Variants in SLC38A2 observed in about 807,000 individuals in gnomAD.
The protein encoded by SLC38A2 is solute carrier family 38 member 2, also known as sodium-coupled neutral amino acid symporter 2.
SLC38A2 carries 11 observed loss-of-function variants against 61.5 expected under a neutral mutation model. That is an observed-to-expected ratio of 0.18 (90% CI 0.11 to 0.30). The LOEUF is 0.30. SLC38A2 is among the 10% of genes least tolerant of loss of function. The pLI, the probability that SLC38A2 is intolerant of heterozygous loss-of-function variation, is 1.00. For missense variants in SLC38A2, 522 were observed against 600.4 expected, an observed-to-expected ratio of 0.87 and a Z score of 1.36; for synonymous variants, 217 against 212.5, an observed-to-expected ratio of 1.02 and a Z score of -0.18.
intron 2 of SLC38A2, 146 bp downstream of exon 2, chr12:46,371,029 TACA>T (rs895497977): frequency 3.6e-5 from 30 of 837,160 alleles, no homozygotes; most frequent in African/African-American, 1.0e-4. Flanking sequence ...ATCTTGTCAT[TACA>T]ACAAGATAAT....
rs1472474979 is a variant in SLC38A2, at chr12:46,370,910, T to C, written c.117-53A>G. On this transcript the variant is annotated intron_variant, in intron 2 of 15. Transcript: ENST00000256689. ...GTAAACTGGATTGAAATATCTATCA[T>C]TACACACAAGACTGCTTTAACATAA... 7 of 1,365,998 alleles carry C rather than the reference T, an allele frequency of 5.1e-6. No individual in the cohort carries two copies. The Admixed American group carries it at 1.2e-4, about 24-fold the overall frequency. The allele number at this position is 1,365,998 out of a possible 1,614,324, so 84.6% of individuals were successfully genotyped here. A position where few individuals can be genotyped will look rare whatever the true frequency, so the allele number is the denominator to read the frequency against.
At chr12:46,372,330 GGGCGCGACACCCGCGCGGCGGGCC>G (rs1036163107) in intron 1 of SLC38A2, 155 bp downstream of exon 1, 5 of 205,110 alleles carry the variant, frequency 2.4e-5, no homozygotes, top group African/African-American at 1.2e-4. Flanking sequence ...CCCACGTCGC[GGGCGCGACACCCGCGCGGCGGGCC>G]AGGGTGGAAG....
intron 6 of SLC38A2, 29 bp from the exon 7 acceptor site, chr12:46,366,974 A>G: frequency 6.2e-7 from 1 of 1,612,012 alleles, no homozygotes. Context: ...ATACCATTAC[A>G]AGTGCAAAAC....
At chr12:46,362,928 G>T in intron 13 of SLC38A2, 93 bp downstream of exon 13, 2 of 1,485,088 alleles carry the variant, frequency 1.3e-6, no homozygotes, top group Non-Finnish European at 1.9e-6. Context: ...TTGTTCTACT[G>T]GTGTTTCCCT....
At chr12:46,362,194 A>T in intron 15 of SLC38A2, 90 bp downstream of exon 15, 1 of 1,058,246 alleles carries the variant, frequency 9.4e-7, no homozygotes, top group Admixed American at 3.1e-5. Context: ...GTGAAACCAT[A>T]ACAAATAACA....
intron 1 of SLC38A2, chr12:46,371,765 C>T (rs2070058009): frequency 1.1e-5 from 2 of 174,156 alleles, no homozygotes; most frequent in Admixed American, 6.4e-5. Flanking sequence ...TGCATGCAAC[C>T]TAGGCGCACG....
At chr12:46,372,197 C>T (rs1592209363) in intron 1 of SLC38A2, 1 of 153,330 alleles carries the variant, frequency 6.5e-6, no homozygotes, top group African/African-American at 2.4e-5. Flanking sequence ...TTATTAAATG[C>T]AAATCAGTCA....
Position 46,370,615 on chromosome 12 carries a change from T to C in SLC38A2, c.211A>G (p.Thr71Ala), listed in dbSNP as rs1423709722. ...TTAAATACTGACATTCCAAAGGAAG[T>C]AGTACCTGGATGCTACATAGAGGGA... ...KYETEFHPGT[T>A]SFGMSVFNLS... The change falls in exon 4 of 16, where the codon ACT becomes GCT. Residue 71 changes from threonine (T) to alanine (A), a missense_variant. By Grantham distance (58) the Thr-to-Ala change is moderately conservative. Around this residue, in one of 3 missense-constraint regions of SLC38A2, gnomAD observed 102 missense variants for 83.1 expected, o/e 1.23. Coordinates refer to ENST00000256689, the MANE Select transcript of SLC38A2 (RefSeq NM_018976.5). 6.8e-6 allele frequency: 11 copies of C among 1,613,144 alleles called. No individual in the cohort carries two copies. Among genetic ancestry groups the C allele is most frequent in the Non-Finnish European group, 8.5e-6 (10 of 1,179,210 alleles).
Position 46,363,150 on chromosome 12 carries a change from A to C in SLC38A2, c.1055-5T>G. ...GCAATTCTGACTCAACATGTTCTAC[A>C]GGGAAAGACCAAAAAAACTTTGATT... On this transcript the variant is annotated splice_polypyrimidine_tract_variant and splice_region_variant and intron_variant, in intron 12 of 15. Coordinates refer to ENST00000256689, the MANE Select transcript of SLC38A2 (RefSeq NM_018976.5). The C allele has an allele frequency of 6.2e-7, 1 of 1,609,468 alleles. No individual in the cohort carries two copies. The highest frequency in any genetic ancestry group is 8.5e-7 in the Non-Finnish European group (1 of 1,177,668).
Position 46,370,577 on chromosome 12 carries a change from C to T in SLC38A2, c.249G>A (p.Ala83=). The T allele has an allele frequency of 6.2e-7, 1 of 1,614,162 alleles. No individual in the cohort carries two copies. Among genetic ancestry groups the T allele is most frequent in the Non-Finnish European group, 8.5e-7 (1 of 1,180,024 alleles). Residue 83 remains alanine, a synonymous_variant, in exon 4 of 16, where the codon GCG becomes GCA. Coordinates refer to ENST00000256689, the MANE Select transcript of SLC38A2 (RefSeq NM_018976.5). The part of the protein sequence containing the change: ...FGMSVFNLSN[A]IVGSGILGLS... ...GCCCAAGGATTCCACTGCCCACAAT[C>T]GCATTGCTCAGATTAAATACTGACA... is the stretch of plus-strand genomic sequence containing the variant.
At chr12:46,362,165 G>T in intron 15 of SLC38A2, 119 bp downstream of exon 15, 1 of 807,254 alleles carries the variant, frequency 1.2e-6, no homozygotes, top group Non-Finnish European at 1.9e-6. Context: ...TTACAGAAAT[G>T]TTTGCTGGAA....
Position 46,361,040 on chromosome 12 carries a change from A to C in SLC38A2, c.*71T>G. The C allele has an allele frequency of 1.7e-6, 2 of 1,195,502 alleles. No homozygotes were observed. Among genetic ancestry groups the C allele is most frequent in the Non-Finnish European group, 2.4e-6 (2 of 820,470 alleles). The allele number at this position is 1,195,502 out of a possible 1,614,324, so 74.1% of individuals were successfully genotyped here. ...GAAGTGAAACTGAAAACATTAGGTG[A>C]AATTTCATAGTAGTTGAGTTTACTC... On this transcript the variant is annotated 3_prime_UTR_variant, in exon 16 of 16. Coordinates refer to ENST00000256689, the MANE Select transcript of SLC38A2 (RefSeq NM_018976.5).
At chr12:46,371,912 C>T (rs541222913) in intron 1 of SLC38A2, among the ~76,000 whole-genome samples, 12 of 152,222 alleles carry the variant, frequency 7.9e-5, no homozygotes, top group Non-Finnish European at 1.5e-4. Flanking sequence ...ACTCCTCTCT[C>T]GAGGGGGGCG....
chr12:46,368,480 G>A (rs1329400507), intron 4 of SLC38A2, among the ~76,000 whole-genome samples: 1 of 152,138 alleles, frequency 6.6e-6, no homozygotes, highest in African/African-American at 2.4e-5. Flanking sequence ...CCTCATTCCA[G>A]CTTTACTTTC....
chr12:46,370,637 G>C lies in SLC38A2; in HGVS notation c.199-10C>G. The C allele has an allele frequency of 6.2e-7, 1 of 1,600,668 alleles. No homozygotes were observed. The highest frequency in any genetic ancestry group is 8.6e-7 in the Non-Finnish European group (1 of 1,167,994). On this transcript the variant is annotated splice_polypyrimidine_tract_variant and intron_variant, in intron 3 of 15. Coordinates refer to ENST00000256689, the MANE Select transcript of SLC38A2 (RefSeq NM_018976.5). ...AAGTAGTACCTGGATGCTACATAGA[G>C]GGAAAACGATAACCAAACATATAAC...
In SLC38A2 at chr12:46,364,526, G is replaced by C; in HGVS notation, c.736C>G (p.Pro246Ala). 6.2e-7 allele frequency: 1 copy of C among 1,607,132 alleles called. No homozygotes were observed. The highest frequency in any genetic ancestry group is 8.5e-7 in the Non-Finnish European group (1 of 1,177,788). Residue 246 changes from proline to alanine, a missense_variant, in exon 10 of 16, where the codon CCT becomes GCT. Pro to Ala is a conservative substitution (Grantham distance 27). Around this residue, in one of 3 missense-constraint regions of SLC38A2, gnomAD observed 309 missense variants for 343.9 expected, o/e 0.90. Coordinates refer to ENST00000256689, the MANE Select transcript of SLC38A2 (RefSeq NM_018976.5). Reference sequence around the variant, plus strand: ...TTAATTATCAAAGCAGCTTCCACAGGACACGGAACCTGAAATTTCTTGCAA... The same window carrying C: ...TTAATTATCAAAGCAGCTTCCACAGCACACGGAACCTGAAATTTCTTGCAA... ...VICKKFQVPC[P>A]VEAALIINET...
Position 46,362,530 on chromosome 12 carries a change from A to T in SLC38A2, c.1288T>A (p.Phe430Ile), listed in dbSNP as rs766425218. Residue 430 changes from phenylalanine to isoleucine, a missense_variant, in exon 14 of 16, where the codon TTT becomes ATT. Physicochemically the swap from Phe to Ile is conservative, Grantham distance 21 (BLOSUM62 0). This residue lies in a region of SLC38A2 where 309 missense variants were observed against 343.9 expected (regional missense o/e 0.90). Transcript: ENST00000256689. Reference sequence around the variant, plus strand: ...AAGATATCCCTAATAGTTGGGACAAAGATGACAAGTAAATTGGTAAATGCC... The same window carrying T: ...AAGATATCCCTAATAGTTGGGACAATGATGACAAGTAAATTGGTAAATGCC... ...ILAFTNLLVI[F>I]VPTIRDIFGF... 5 of 1,598,868 alleles carry T rather than the reference A, an allele frequency of 3.1e-6. No individual in the cohort carries two copies. The highest frequency in any genetic ancestry group is 2.6e-6 in the Non-Finnish European group (3 of 1,176,276).
chr12:46,369,417 A>T (rs1943171317), intron 4 of SLC38A2, among the ~76,000 whole-genome samples: 1 of 152,206 alleles, frequency 6.6e-6, no homozygotes, highest in South Asian at 2.1e-4. Flanking sequence ...CACAAAGCAG[A>T]GATTTGCAAA....
chr12:46,359,670 G>T lies in SLC38A2; in HGVS notation c.*1441C>A, dbSNP rs1019184919. On this transcript the variant is annotated 3_prime_UTR_variant, in exon 16 of 16. Transcript: ENST00000256689. ...TAATATATTCACCATACACTGTGAC[G>T]TACGATAAATGTGCTCTTAAAGCCA... 1 of 152,494 alleles carries T rather than the reference G, an allele frequency of 6.6e-6. No individual in the cohort carries two copies. Among genetic ancestry groups the T allele is most frequent in the Non-Finnish European group, 1.5e-5 (1 of 68,032 alleles). The allele number at this position is 152,494 out of a possible 1,614,324, so 9.4% of individuals were successfully genotyped here.
Sources: allele counts gnomAD v4.1 joint callset (sites outside exome capture counted in the v4.1 genomes callset), GRCh38; gene constraint gnomAD v4.1.1; regional missense constraint gnomAD v4.1.1; transcripts MANE v1.5; gene names NCBI Gene and HGNC (gene_info 2026-07-23, HGNC 2026-07-21).